Variants in PDGFD observed in about 807,000 individuals in gnomAD.
PDGFD encodes platelet derived growth factor D.
In PDGFD, 30 loss-of-function variants were observed where a neutral mutation model predicts 44.7. The observed-to-expected ratio is 0.67, with a 90% CI of 0.50 to 0.91. The LOEUF is 0.91. Among genes scored for constraint, PDGFD ranks in the 40% least tolerant of loss-of-function variants. PDGFD has a pLI of 0.00. For missense variants in PDGFD, 445 were observed against 457.8 expected, an observed-to-expected ratio of 0.97 and a Z score of 0.25; for synonymous variants, 173 against 168.4, an observed-to-expected ratio of 1.03 and a Z score of -0.21.
At chr11:104,028,116 G>A (rs533592929) in intron 1 of PDGFD, among the ~76,000 whole-genome samples, 1 of 151,542 alleles carries the variant, frequency 6.6e-6, no homozygotes, top group East Asian at 1.9e-4. Flanking sequence ...CGTGAACCTG[G>A]GAGGCGGAGC....
intron 3 of PDGFD, among the ~76,000 whole-genome samples, chr11:103,986,368 A>G (rs1565303275): frequency 1.3e-5 from 2 of 152,172 alleles, no homozygotes; most frequent in Non-Finnish European, 2.9e-5. Flanking sequence ...GTTACCAAAG[A>G]TACCTGATTG....
intron 1 of PDGFD, among the ~76,000 whole-genome samples, chr11:104,094,827 G>GTATCA (rs1861259992): frequency 2.0e-5 from 3 of 152,088 alleles, no homozygotes; most frequent in African/African-American, 7.2e-5. Context: ...CTTAAGACAT[G>GTATCA]TATCAGGTCT....
chr11:104,087,019 G>GTAT (rs1734331633), intron 1 of PDGFD, among the ~76,000 whole-genome samples: 1 of 94,202 alleles, frequency 1.1e-5, no homozygotes, highest in Admixed American at 1.7e-4. Flanking sequence ...TAGGCTCTTA[G>GTAT]TCTTTTTTTT....
intron 1 of PDGFD, among the ~76,000 whole-genome samples, chr11:104,096,931 AC>A (rs1861297734): frequency 6.6e-6 from 1 of 152,210 alleles, no homozygotes; most frequent in Non-Finnish European, 1.5e-5. Flanking sequence ...TTGAATAATC[AC>A]AAATTCACTT....
intron 3 of PDGFD, among the ~76,000 whole-genome samples, chr11:103,956,529 C>T (rs1858852995): frequency 1.4e-5 from 2 of 146,586 alleles, no homozygotes; most frequent in Non-Finnish European, 3.0e-5. Context: ...CATACGTGTG[C>T]ATGTGTCTTT....
intron 1 of PDGFD, chr11:104,037,606 G>C: frequency 6.2e-7 from 1 of 1,614,080 alleles, no homozygotes; most frequent in South Asian, 1.1e-5. Context: ...TGTTGACTCG[G>C]GCGCCCAGAT....
intron 3 of PDGFD, among the ~76,000 whole-genome samples, chr11:103,959,651 G>A (rs999444167): frequency 6.6e-6 from 1 of 152,188 alleles, no homozygotes; most frequent in Admixed American, 6.5e-5. Flanking sequence ...CACAGGTCGT[G>A]AGTTTCAGAC....
intron 1 of PDGFD, among the ~76,000 whole-genome samples, chr11:104,094,751 AAC>A (rs1861259263): frequency 6.6e-6 from 1 of 152,138 alleles, no homozygotes; most frequent in African/African-American, 2.4e-5. Context: ...TGACAAATAC[AAC>A]AGTCTCCAAG....
chr11:104,133,013 TA>T (rs566822481), intron 1 of PDGFD, among the ~76,000 whole-genome samples: 2 of 152,100 alleles, frequency 1.3e-5, no homozygotes, highest in Non-Finnish European at 2.9e-5. Flanking sequence ...ATTTGAACTG[TA>T]AGGTTGTCAC....
At chr11:103,937,301 C>T (rs1051598496) in intron 5 of PDGFD, among the ~76,000 whole-genome samples, 4 of 152,074 alleles carry the variant, frequency 2.6e-5, no homozygotes, top group Non-Finnish European at 5.9e-5. Flanking sequence ...GGTTTCCCTC[C>T]TTGCCATTAT....
chr11:104,159,336 T>A (rs1404381419), intron 1 of PDGFD, among the ~76,000 whole-genome samples: 1 of 152,158 alleles, frequency 6.6e-6, no homozygotes, highest in Non-Finnish European at 1.5e-5. Context: ...ATTCCCTGAA[T>A]GGCATGGCGC....
intron 1 of PDGFD, among the ~76,000 whole-genome samples, chr11:104,082,782 C>T (rs542883697): frequency 9.2e-5 from 14 of 152,200 alleles, no homozygotes; most frequent in African/African-American, 3.4e-4. Flanking sequence ...CAGATGCACA[C>T]CACTACACCC....
chr11:104,125,845 T>TC (rs1324754477), intron 1 of PDGFD, among the ~76,000 whole-genome samples: 1 of 152,196 alleles, frequency 6.6e-6, no homozygotes, highest in Non-Finnish European at 1.5e-5. Flanking sequence ...ATAAAGTTGT[T>TC]CATACTATGA....
At chr11:103,911,619 G>A (rs552652910) in intron 6 of PDGFD, among the ~76,000 whole-genome samples, 26 of 152,148 alleles carry the variant, frequency 1.7e-4, no homozygotes, top group African/African-American at 5.5e-4. Context: ...AAACCAGATG[G>A]AGAATGAGTT....
chr11:104,161,257 T>C (rs1445465507), intron 1 of PDGFD, among the ~76,000 whole-genome samples: 1 of 152,242 alleles, frequency 6.6e-6, no homozygotes, highest in Non-Finnish European at 1.5e-5. Flanking sequence ...TTTTCTATTT[T>C]TCTCCTGATT....
intron 1 of PDGFD, among the ~76,000 whole-genome samples, chr11:104,043,850 G>A (rs536869353): frequency 5.9e-5 from 9 of 152,212 alleles, no homozygotes; most frequent in African/African-American, 1.9e-4. Context: ...CATTCACAAG[G>A]CATCTGCCCC....
At chr11:104,109,463 A>T (rs1413701121) in intron 1 of PDGFD, among the ~76,000 whole-genome samples, 1 of 152,054 alleles carries the variant, frequency 6.6e-6, no homozygotes, top group Non-Finnish European at 1.5e-5. Flanking sequence ...ATGTATGCTA[A>T]AAAAAAGTCT....
At chr11:104,090,822 C>T (rs1268465148) in intron 1 of PDGFD, among the ~76,000 whole-genome samples, 2 of 151,918 alleles carry the variant, frequency 1.3e-5, no homozygotes, top group Admixed American at 6.6e-5. Flanking sequence ...CAGCTAAGTG[C>T]CTTCCCTCAA....
At chr11:104,052,360 GA>G (rs34123428) in intron 1 of PDGFD, among the ~76,000 whole-genome samples, 42,732 of 151,992 alleles carry the variant, frequency 0.28, 6,526 homozygotes, top group Non-Finnish European at 0.35. Context: ...TAAAAAAGAA[GA>G]GCAGTAAAAA....
Sources: allele counts gnomAD v4.1 joint callset (sites outside exome capture counted in the v4.1 genomes callset), GRCh38; gene constraint gnomAD v4.1.1; transcripts MANE v1.5; gene names NCBI Gene and HGNC (gene_info 2026-07-23, HGNC 2026-07-21).